Variants in SPATA18 observed in about 807,000 individuals in gnomAD.
SPATA18 encodes spermatogenesis associated 18.
Under a neutral mutation model 68.1 loss-of-function variants are expected in SPATA18, and 54 were observed. That is an observed-to-expected ratio of 0.79 (90% CI 0.64 to 0.99). The LOEUF (loss-of-function observed/expected upper bound fraction) is 0.99. Ranked by LOEUF, SPATA18 falls within the 50% of genes least tolerant of loss-of-function variation. The pLI is 0.00. For synonymous variants in SPATA18, 242 were observed against 244.8 expected (o/e 0.99, Z 0.11); for missense variants, 724 against 681.1 (o/e 1.06, Z -0.70).
chr4:52,065,054 T>G (rs1420565432), intron 4 of SPATA18, among the ~76,000 whole-genome samples: 1 of 152,242 alleles, frequency 6.6e-6, no homozygotes, highest in Non-Finnish European at 1.5e-5. Context: ...CATATGTGTA[T>G]TGGCTGTTTG....
chr4:52,092,949 C>T (rs749995530), intron 11 of SPATA18, among the ~76,000 whole-genome samples: 40 of 152,148 alleles, frequency 2.6e-4, no homozygotes, highest in Non-Finnish European at 5.1e-4. Context: ...GATGAGAACA[C>T]ATGGACACAA....
chr4:52,066,132 T>G (rs1373251082), intron 4 of SPATA18, among the ~76,000 whole-genome samples: 3 of 152,100 alleles, frequency 2.0e-5, no homozygotes, highest in African/African-American at 7.2e-5. Context: ...TTTTATTGTA[T>G]CAAGTCATCC....
chr4:52,077,082 G>A (rs1740439316), intron 7 of SPATA18, 42 bp downstream of exon 7: 7 of 1,544,608 alleles, frequency 4.5e-6, no homozygotes, highest in Middle Eastern at 1.7e-4. Flanking sequence ...TAGGGCAGCC[G>A]GGAGACAAGT....
At chr4:52,067,238 T>A (rs143459850) in intron 4 of SPATA18, among the ~76,000 whole-genome samples, 1,943 of 152,350 alleles carry the variant, frequency 0.013, 20 homozygotes, top group Non-Finnish European at 0.019. Context: ...GATTTGCATT[T>A]CTCTAATAAT....
chr4:52,089,582 T>C (rs1241365381), intron 11 of SPATA18, among the ~76,000 whole-genome samples: 1 of 152,136 alleles, frequency 6.6e-6, no homozygotes, highest in Non-Finnish European at 1.5e-5. Flanking sequence ...TTTCTATGTA[T>C]TTGTGTGCTT....
At chr4:52,051,877 G>A (rs904696749) in intron 1 of SPATA18, 86 bp downstream of exon 1, 115 of 1,287,882 alleles carry the variant, frequency 8.9e-5, no homozygotes, top group Middle Eastern at 1.9e-4. Context: ...GGCTGGAGTT[G>A]GTGGCCACTT....
intron 10 of SPATA18, among the ~76,000 whole-genome samples, chr4:52,084,227 C>A (rs1470675542): frequency 6.6e-6 from 1 of 152,094 alleles, no homozygotes; most frequent in African/African-American, 2.4e-5. Flanking sequence ...ACCCATTATT[C>A]TTACGTTTTA....
At chr4:52,054,646 TG>T (rs1298115844) in intron 1 of SPATA18, among the ~76,000 whole-genome samples, 5 of 152,018 alleles carry the variant, frequency 3.3e-5, no homozygotes, top group Admixed American at 3.3e-4. Flanking sequence ...GGCAGGGACA[TG>T]AAGGAACTTA....
In SPATA18 at chr4:52,071,949, G is replaced by A. The variant is rs142158631; in HGVS notation, c.551G>A (p.Arg184His). 142 of 1,613,678 alleles carry A rather than the reference G, an allele frequency of 8.8e-5. No individual in the cohort carries two copies. Among genetic ancestry groups the A allele is most frequent in the South Asian group, 8.1e-4 (74 of 91,056 alleles). Residue 184 changes from arginine (R) to histidine (H), a missense_variant, in exon 6 of 13, where the codon CGC becomes CAC. Physicochemically the swap from Arg to His is conservative, Grantham distance 29 (BLOSUM62 0). Transcript: ENST00000295213. ...LKSLQAQEDA[R>H]HRNTDQRSSE... is the part of the protein sequence containing the mutation. ...TCTCTTCAAGCTCAGGAGGATGCCC[G>A]CCACAGAAACACAGATCAGAGGAGC...
At position 52,096,102 on chromosome 4, in the gene SPATA18, C is replaced by T. The variant is rs1043811798; in HGVS notation, c.*1215C>T. 6.6e-6 allele frequency: 1 copy of T among 152,194 alleles called. No individual in the cohort carries two copies. Among genetic ancestry groups the T allele is most frequent in the Non-Finnish European group, 1.5e-5 (1 of 68,042 alleles). The allele number at this position is 152,194 out of a possible 1,614,324, so 9.4% of individuals were successfully genotyped here. ...GGTGAAAATAAAACAAACAGCTTCT[C>T]TAAAGCATCTTACCCCTGTGCTGGA... On this transcript the variant is annotated 3_prime_UTR_variant, in exon 13 of 13. Coordinates refer to ENST00000295213, the MANE Select transcript of SPATA18 (RefSeq NM_145263.4).
chr4:52,058,539 G>T (rs1351540663), intron 1 of SPATA18, among the ~76,000 whole-genome samples: 1 of 152,124 alleles, frequency 6.6e-6, no homozygotes, highest in Non-Finnish European at 1.5e-5. Flanking sequence ...CATATTCAAG[G>T]TTGCCAAACT....
At chr4:52,072,281 C>G (rs754051078) in intron 6 of SPATA18, 125 bp downstream of exon 6, 17 of 1,424,116 alleles carry the variant, frequency 1.2e-5, no homozygotes, top group Non-Finnish European at 1.6e-5. Flanking sequence ...ATCTGCCAAG[C>G]TTTGAATTGT....
intron 3 of SPATA18, among the ~76,000 whole-genome samples, chr4:52,061,492 AT>A (rs1738849336): frequency 2.0e-5 from 3 of 146,728 alleles, no homozygotes; most frequent in Non-Finnish European, 4.5e-5. Context: ...AGTAAAAATA[AT>A]AATAATAATA....
Position 52,076,862 on chromosome 4 carries a change from T to C in SPATA18, c.842T>C (p.Val281Ala), listed in dbSNP as rs764579449. ...AGATCTGCCAGCCCCTCCACCGCTGTCAAGGTCAGGAGACCGTCCCCAAAC... is the reference window on the plus strand; with the variant it reads ...AGATCTGCCAGCCCCTCCACCGCTGCCAAGGTCAGGAGACCGTCCCCAAAC... The part of the protein sequence containing the change: ...RSRSASPSTA[V>A]KVRRPSPNRS... Residue 281 changes from valine (V) to alanine (A), a missense_variant, in exon 7 of 13, where the codon GTC becomes GCC. By Grantham distance (64) the Val-to-Ala change is moderately conservative. Transcript: ENST00000295213. 6.2e-7 allele frequency: 1 copy of C among 1,614,202 alleles called. No homozygotes were observed. Among genetic ancestry groups the C allele is most frequent in the South Asian group, 1.1e-5 (1 of 91,084 alleles).
chr4:52,084,898 TTCTC>T lies in SPATA18; in HGVS notation c.1480-12_1480-9del, dbSNP rs757351617. The T allele has an allele frequency of 2.5e-6, 4 of 1,612,232 alleles. No homozygotes were observed. The highest frequency in any genetic ancestry group is 2.5e-6 in the Non-Finnish European group (3 of 1,178,588). ...CAAACTCCTGACTATGTCTCTCTCT[TTCTC>T]TCTCTTTTTTAAGTGGAATTCGGTG... On this transcript the variant is annotated splice_polypyrimidine_tract_variant and intron_variant, in intron 10 of 12. Coordinates refer to ENST00000295213, the MANE Select transcript of SPATA18 (RefSeq NM_145263.4).
intron 1 of SPATA18, among the ~76,000 whole-genome samples, chr4:52,052,065 G>C (rs566843548): frequency 1.8e-3 from 269 of 152,302 alleles, no homozygotes; most frequent in Middle Eastern, 0.01. Flanking sequence ...CCAATCAGTG[G>C]TAACTAAGGA....
intron 9 of SPATA18, among the ~76,000 whole-genome samples, chr4:52,081,315 C>G (rs1285785183): frequency 6.6e-6 from 1 of 152,200 alleles, no homozygotes; most frequent in Non-Finnish European, 1.5e-5. Context: ...ATTGGATTTT[C>G]TAACAATGAT....
chr4:52,082,492 CA>C lies in SPATA18; in HGVS notation c.1462del (p.Thr488ProfsTer13). The C allele has an allele frequency of 3.7e-6, 6 of 1,614,116 alleles. No homozygotes were observed. Among genetic ancestry groups the C allele is most frequent in the Non-Finnish European group, 5.1e-6 (6 of 1,179,984 alleles). On this transcript the variant is annotated frameshift_variant, in exon 10 of 13. Coordinates refer to ENST00000295213, the MANE Select transcript of SPATA18 (RefSeq NM_145263.4). LOFTEE classifies it high-confidence loss of function. ...GTGTCATTATGAAGGGAGAAGCTGT[CA>C]CCAGGAGAGGGGCTTTTGTACGGTG... is the stretch of plus-strand genomic sequence containing the variant. ...DCVIMKGEAV[T>X]RRGAFWNSVR...
At chr4:52,085,081 G>A (rs976036676) in intron 11 of SPATA18, 82 bp downstream of exon 11, 6 of 1,127,508 alleles carry the variant, frequency 5.3e-6, no homozygotes, top group Non-Finnish European at 6.5e-6. Flanking sequence ...ATACAAAAGA[G>A]GTGATTATAA....
Sources: gnomAD v4.1 joint callset for allele counts (sites outside exome capture counted in the v4.1 genomes callset) on GRCh38, gnomAD v4.1.1 for gene constraint, MANE v1.5 for transcripts, NCBI Gene and HGNC (gene_info 2026-07-23, HGNC 2026-07-21) for gene names.